IPO9: variants seen among roughly 807,000 people sequenced by gnomAD.
IPO9 encodes importin 9.
Under a neutral mutation model 128.6 loss-of-function variants are expected in IPO9, and 28 were observed. The observed-to-expected ratio is 0.22, with a 90% CI of 0.16 to 0.30. IPO9 has a LOEUF of 0.30. Ranked by LOEUF, IPO9 falls within the 10% of genes least tolerant of loss-of-function variation. IPO9 has a pLI of 1.00. For synonymous variants in IPO9, 455 were observed against 475.8 expected (o/e 0.96, Z 0.57); for missense variants, 935 against 1,293.9 (o/e 0.72, Z 4.26).
At chr1:201,854,801 T>A in intron 7 of IPO9, 22 bp from the exon 8 acceptor site, 1 of 1,602,604 alleles carries the variant, frequency 6.2e-7, no homozygotes, top group Non-Finnish European at 8.5e-7. Flanking sequence ...ATAACTTGGG[T>A]CCTTTTCTCT....
rs528208488 is a variant in IPO9, at chr1:201,870,320, T to A, written c.2134-263T>A. On this transcript the variant is annotated intron_variant, in intron 17 of 23. Coordinates refer to ENST00000361565, the MANE Select transcript of IPO9 (RefSeq NM_018085.5). The surrounding 1 kb of genome is among the most constrained non-coding windows in gnomAD (Gnocchi z 4.9). ...CCTTTATGATTAAAATTCATTTTGC[T>A]TGGCCATTGTCCCTTGTGATTAAAA... Among the ~76,000 whole-genome samples the A allele has an allele frequency of 3.3e-5, 5 of 152,346 alleles. No individual in the cohort carries two copies. The highest frequency in any genetic ancestry group is 6.5e-5 in the Admixed American group (1 of 15,304).
At chr1:201,831,732 G>C (rs999241012) in intron 1 of IPO9, among the ~76,000 whole-genome samples, 5 of 152,152 alleles carry the variant, frequency 3.3e-5, no homozygotes, top group Non-Finnish European at 5.9e-5. Context: ...ATAGAACCCA[G>C]CTTTCCAGCC....
At position 201,882,878 on chromosome 1, in the gene IPO9, G is replaced by A. The variant is rs1246537997; in HGVS notation, c.*6824G>A. ...TAAAGCACCTCTAGTGGTGGAAGAT[G>A]TCCCATCCTATCCCCCACCCATAGC... On this transcript the variant is annotated 3_prime_UTR_variant, in exon 24 of 24. Coordinates refer to ENST00000361565, the MANE Select transcript of IPO9 (RefSeq NM_018085.5). The A allele has an allele frequency of 6.6e-6, 1 of 152,646 alleles. No individual in the cohort carries two copies. The highest frequency in any genetic ancestry group is 1.5e-5 in the Non-Finnish European group (1 of 68,046). The allele number at this position is 152,646 out of a possible 1,614,324, so 9.5% of individuals were successfully genotyped here.
chr1:201,857,014 G>A, intron 10 of IPO9, 82 bp from the exon 11 acceptor site: 1 of 911,710 alleles, frequency 1.1e-6, no homozygotes, highest in South Asian at 1.3e-5. Context: ...CAGGATAATA[G>A]GTTGAAATCT....
chr1:201,854,494 A>G (rs1367372430), intron 6 of IPO9, 101 bp from the exon 7 acceptor site: 1 of 1,448,516 alleles, frequency 6.9e-7, no homozygotes, highest in African/African-American at 1.4e-5. Context: ...TGGAGCCTGA[A>G]GAGAGCTTTA....
intron 1 of IPO9, among the ~76,000 whole-genome samples, chr1:201,840,524 A>G (rs983306409): frequency 6.6e-6 from 1 of 152,232 alleles, no homozygotes; most frequent in Non-Finnish European, 1.5e-5. Context: ...TTGACCCACA[A>G]TCCCACTTCT....
At chr1:201,836,443 T>C (rs533970267) in intron 1 of IPO9, among the ~76,000 whole-genome samples, 32 of 152,260 alleles carry the variant, frequency 2.1e-4, no homozygotes, top group Middle Eastern at 6.8e-3. Flanking sequence ...TGGAGTGCAG[T>C]GGTGTGATCA....
At position 201,875,973 on chromosome 1, in the gene IPO9, T is replaced by G; in HGVS notation, c.3045T>G (p.Phe1015Leu). 2 of 1,613,178 alleles carry G rather than the reference T, an allele frequency of 1.2e-6. No individual in the cohort carries two copies. The highest frequency in any genetic ancestry group is 1.7e-6 in the Non-Finnish European group (2 of 1,179,078). ...ATCTCACAGATTTCCTCTGCCAGTT[T>G]GCTCAGCAGCCCTGCTACATAATGT... ...QAYLTDFLCQ[F>L]AQQPCYIMFS... The change falls in exon 24 of 24, where the codon TTT becomes TTG. Residue 1015 changes from phenylalanine to leucine, a missense_variant. Transcript: ENST00000361565.
chr1:201,845,025 AG>A (rs368664016), intron 1 of IPO9, among the ~76,000 whole-genome samples: 1,223 of 93,120 alleles, frequency 0.013, 16 homozygotes, highest in African/African-American at 0.032. Context: ...TTTTTTTGGG[AG>A]GGGGGGGCGT....
At chr1:201,856,129 C>CTTT (rs35980892) in intron 10 of IPO9, among the ~76,000 whole-genome samples, 195 bp downstream of exon 10, 3 of 123,152 alleles carry the variant, frequency 2.4e-5, no homozygotes, top group South Asian at 2.6e-4. Context: ...CCATACCTGG[C>CTTT]TTTTTTTTTT....
intron 13 of IPO9, 169 bp from the exon 14 acceptor site, chr1:201,863,279 G>A: frequency 2.1e-6 from 1 of 483,516 alleles, no homozygotes; most frequent in Non-Finnish European, 3.6e-6. Context: ...TTGAACCCGG[G>A]GGACGGAGGT....
At position 201,870,775 on chromosome 1, in the gene IPO9, C is replaced by T. The variant is rs766537773; in HGVS notation, c.2326C>T (p.Arg776Trp). 14 of 1,614,136 alleles carry T rather than the reference C, an allele frequency of 8.7e-6. No individual in the cohort carries two copies. The highest frequency in any genetic ancestry group is 2.2e-5 in the East Asian group (1 of 44,872). Residue 776 changes from arginine to tryptophan, a missense_variant, in exon 18 of 24, where the codon CGG (arginine) becomes TGG (tryptophan). This residue lies in a region of IPO9 where 741 missense variants were observed against 1,019.1 expected (regional missense o/e 0.73). Coordinates refer to ENST00000361565, the MANE Select transcript of IPO9 (RefSeq NM_018085.5). This position sits in a 1 kb window ranked among gnomAD's most constrained non-coding sequence, Gnocchi z 4.9. ...TTCCACCCTCATCTCCAAGGCAGGG[C>T]GGGAACTCGGGGAGAATCTAGACCA... The part of the protein sequence containing the change: ...LVSTLISKAG[R>W]ELGENLDQIL...
Position 201,857,727 on chromosome 1 carries a change from G to C in IPO9, c.1221+533G>C, listed in dbSNP as rs531549756. 7.9e-5 allele frequency among the ~76,000 whole-genome samples: 12 copies of C among 151,904 alleles called. No individual in the cohort carries two copies. The East Asian group carries it at 2.3e-3, about 29-fold the overall frequency. On this transcript the variant is annotated intron_variant, in intron 11 of 23. Coordinates refer to ENST00000361565, the MANE Select transcript of IPO9 (RefSeq NM_018085.5). Reference sequence around the variant, plus strand: ...GGAGAATTGCTTGAACCCGGGAGGCGGAGGTTGTGGTGAGCCAAGATTACA... The same window carrying C: ...GGAGAATTGCTTGAACCCGGGAGGCCGAGGTTGTGGTGAGCCAAGATTACA...
intron 6 of IPO9, among the ~76,000 whole-genome samples, chr1:201,853,822 T>C (rs1218583365): frequency 6.6e-6 from 1 of 152,224 alleles, no homozygotes; most frequent in Non-Finnish European, 1.5e-5. Context: ...CACTGCAACG[T>C]CCGCCTCCCA....
At position 201,870,474 on chromosome 1, in the gene IPO9, C is replaced by T; in HGVS notation, c.2134-109C>T. 2 of 1,245,068 alleles carry T rather than the reference C, an allele frequency of 1.6e-6. No homozygotes were observed. The highest frequency in any genetic ancestry group is 2.5e-5 in the East Asian group (1 of 40,584). The allele number at this position is 1,245,068 out of a possible 1,614,324, so 77.1% of individuals were successfully genotyped here. ...GCCCACCACAAACATTATAGACTCA[C>T]CGCTTTTATGAGGCATAGGCCTCTG... On this transcript the variant is annotated intron_variant, in intron 17 of 23. Coordinates refer to ENST00000361565, the MANE Select transcript of IPO9 (RefSeq NM_018085.5). This position sits in a 1 kb window ranked among gnomAD's most constrained non-coding sequence, Gnocchi z 4.9.
chr1:201,881,677 A>G lies in IPO9; in HGVS notation c.*5623A>G, dbSNP rs1286544213. 1 of 152,222 alleles carries G rather than the reference A, an allele frequency of 6.6e-6. No individual in the cohort carries two copies. The highest frequency in any genetic ancestry group is 1.9e-4 in the East Asian group (1 of 5,200). 9.4% of individuals were successfully genotyped at this position (152,222 alleles called of 1,614,324 possible). A position where few individuals can be genotyped will look rare whatever the true frequency, so the allele number is the denominator to read the frequency against. On this transcript the variant is annotated 3_prime_UTR_variant, in exon 24 of 24. Coordinates refer to ENST00000361565, the MANE Select transcript of IPO9 (RefSeq NM_018085.5). The stretch of plus-strand genomic sequence containing the variant: ...ACTACCCAAGATAACTAAACAGGGA[A>G]GTGATCAGGTTTTGTGTCTTAGAAA...
In IPO9 at chr1:201,882,500, T is replaced by C. The variant is rs1166496124; in HGVS notation, c.*6446T>C. The C allele has an allele frequency of 1.3e-5, 2 of 149,470 alleles. No homozygotes were observed. Among genetic ancestry groups the C allele is most frequent in the Non-Finnish European group, 3.0e-5 (2 of 67,520 alleles). 9.3% of individuals were successfully genotyped at this position (149,470 alleles called of 1,614,324 possible). A position where few individuals can be genotyped will look rare whatever the true frequency, so the allele number is the denominator to read the frequency against. On this transcript the variant is annotated 3_prime_UTR_variant, in exon 24 of 24. Coordinates refer to ENST00000361565, the MANE Select transcript of IPO9 (RefSeq NM_018085.5). ...AAGTTTCCCTAATGGATGGTACAGG[T>C]CAACATTTGCCATCTAATGACACTT...
rs1680787278 is a variant in IPO9, at chr1:201,877,504, C to G, written c.*1450C>G. 1 of 100,400 alleles carries G rather than the reference C, an allele frequency of 1.0e-5. No homozygotes were observed. Among genetic ancestry groups the G allele is most frequent in the South Asian group, 3.0e-4 (1 of 3,288 alleles). The allele number at this position is 100,400 out of a possible 1,614,324, so 6.2% of individuals were successfully genotyped here. On this transcript the variant is annotated 3_prime_UTR_variant, in exon 24 of 24. Transcript: ENST00000361565. Reference sequence around the variant, plus strand: ...AGACTCAATCACACACACACACACACACACACACAAATCATGGGGAGAAAG... The same window carrying G: ...AGACTCAATCACACACACACACACAGACACACACAAATCATGGGGAGAAAG...
At position 201,855,867 on chromosome 1, in the gene IPO9, C is replaced by T. The variant is rs1336437471; in HGVS notation, c.1055C>T (p.Thr352Ile). 3.1e-6 allele frequency: 5 copies of T among 1,612,150 alleles called. No homozygotes were observed. In the African/African-American group the frequency reaches 4.0e-5, roughly 13 times the overall value. The stretch of plus-strand genomic sequence containing the variant: ...CTAGAAAATAGCAAATTCAAAAGCA[C>T]TGTTAAGAAAGCCTTGCCTGAATTG... ...ALLENSKFKSTVKKALPELIY... is the reference protein window; with the variant it reads ...ALLENSKFKSIVKKALPELIY... Residue 352 changes from threonine (T) to isoleucine (I), a missense_variant, in exon 10 of 24, where the codon ACT becomes ATT. By Grantham distance (89) the Thr-to-Ile change is moderately conservative. Transcript: ENST00000361565.
Sources: allele counts gnomAD v4.1 joint callset (sites outside exome capture counted in the v4.1 genomes callset), GRCh38; gene constraint gnomAD v4.1.1; regional missense constraint gnomAD v4.1.1; non-coding constraint Gnocchi (gnomAD v3.1); transcripts MANE v1.5; gene names NCBI Gene and HGNC (gene_info 2026-07-23, HGNC 2026-07-21).